The following GARS1 variants were observed in gnomAD, a reference collection of about 807,000 sequenced individuals.
GARS1 encodes the protein glycine--tRNA ligase.
In GARS1, 46 loss-of-function variants were observed where a neutral mutation model predicts 86.4. That is an observed-to-expected ratio of 0.53 (90% CI 0.42 to 0.68). The LOEUF (loss-of-function observed/expected upper bound fraction) is 0.68. Ranked by LOEUF, GARS1 falls within the 30% of genes least tolerant of loss-of-function variation. The pLI is 0.00. For missense variants in GARS1, 797 were observed against 915.6 expected (o/e 0.87, Z 1.67); for synonymous variants, 342 against 329.8 (o/e 1.04, Z -0.40).
At chr7:30,596,126 AC>A (rs1159212604) in intron 1 of GARS1, among the ~76,000 whole-genome samples, 2 of 152,168 alleles carry the variant, frequency 1.3e-5, no homozygotes, top group Admixed American at 1.3e-4. Flanking sequence ...TAAACACCAA[AC>A]GGGTTTCTCC....
rs57305857 is a variant in GARS1, at chr7:30,621,613, G to A, written c.1467+113G>A. The stretch of plus-strand genomic sequence containing the variant: ...GATAAATGGAGATGTTTTAGACACT[G>A]TAGTAACGCTTGTTTAAACCTATTA... On this transcript the variant is annotated intron_variant, in intron 11 of 16. Coordinates refer to ENST00000389266, the MANE Select transcript of GARS1 (RefSeq NM_002047.4). The A allele has an allele frequency of 1.5e-3, 1,211 of 822,758 alleles. 9 individuals carry two copies. The African/African-American group carries it at 0.018, about 13-fold the overall frequency. The allele number at this position is 822,758 out of a possible 1,614,324, so 51.0% of individuals were successfully genotyped here.
intron 6 of GARS1, 32 bp downstream of exon 6, chr7:30,603,604 C>T (rs779077339): frequency 2.0e-6 from 3 of 1,494,682 alleles, no homozygotes; most frequent in Non-Finnish European, 2.8e-6. Flanking sequence ...TCAGAGTAAC[C>T]TAGGTGGTCG....
chr7:30,598,014 C>T (rs945137289), intron 1 of GARS1, among the ~76,000 whole-genome samples: 5 of 151,958 alleles, frequency 3.3e-5, no homozygotes, highest in African/African-American at 9.7e-5. Context: ...GAAAAAATTC[C>T]AACTGTAAAG....
rs544867766 is a variant in GARS1 at position 30,597,122 on chromosome 7, C to G, written c.223-1674C>G. On this transcript the variant is annotated intron_variant, in intron 1 of 16. Coordinates refer to ENST00000389266, the MANE Select transcript of GARS1 (RefSeq NM_002047.4). ...TCTTTTGCTGTGAGCTTGGCAGCTT[C>G]ACAGTCCTTAAAGATATCTGTGATG... Among the ~76,000 whole-genome samples, 6 of 152,316 alleles carry G rather than the reference C, an allele frequency of 3.9e-5. No homozygotes were observed. The East Asian group carries it at 1.2e-3, about 29-fold the overall frequency.
At chr7:30,629,523 A>C (rs1429115784) in intron 14 of GARS1, among the ~76,000 whole-genome samples, 1 of 152,004 alleles carries the variant, frequency 6.6e-6, no homozygotes. Flanking sequence ...GGTTAATTGA[A>C]AGAAACAGCG....
At chr7:30,595,701 T>G in intron 1 of GARS1, 2 of 467,490 alleles carry the variant, frequency 4.3e-6, no homozygotes, top group South Asian at 3.1e-5. Context: ...GTGCTTAGTT[T>G]AGCGGAATGA....
chr7:30,631,809 A>G (rs1291707889), intron 15 of GARS1, among the ~76,000 whole-genome samples: 1 of 152,224 alleles, frequency 6.6e-6, no homozygotes, highest in Non-Finnish European at 1.5e-5. Flanking sequence ...CCTTGGTGCC[A>G]AGTTCATCGA....
Position 30,626,260 on chromosome 7 carries a change from A to G in GARS1, c.1640A>G (p.Lys547Arg). ...GAATTCACAATTGAAACTGAAGGGAAAACATTTCAGTTAACAAAAGACATG... is the reference window on the plus strand; with the variant it reads ...GAATTCACAATTGAAACTGAAGGGAGAACATTTCAGTTAACAAAAGACATG... ...KGEFTIETEG[K>R]TFQLTKDMIN... The change falls in exon 13 of 17, where the codon AAA (lysine) becomes AGA (arginine). Residue 547 changes from lysine to arginine, a missense_variant. This residue lies in a region of GARS1 where 598 missense variants were observed against 738.7 expected (regional missense o/e 0.81). Coordinates refer to ENST00000389266, the MANE Select transcript of GARS1 (RefSeq NM_002047.4). The G allele has an allele frequency of 6.2e-7, 1 of 1,608,488 alleles. No homozygotes were observed. The highest frequency in any genetic ancestry group is 8.5e-7 in the Non-Finnish European group (1 of 1,174,956).
chr7:30,599,149 A>T (rs932201135), intron 2 of GARS1, among the ~76,000 whole-genome samples: 26 of 152,186 alleles, frequency 1.7e-4, no homozygotes, highest in African/African-American at 6.3e-4. Flanking sequence ...CGCTATATGA[A>T]TTTCCATGGA....
intron 1 of GARS1, among the ~76,000 whole-genome samples, chr7:30,598,377 C>CTTTTTTTTTTTTTTTTTTT (rs1174085518): frequency 1.0e-5 from 1 of 99,614 alleles, no homozygotes; most frequent in Non-Finnish European, 2.0e-5. Context: ...TTGCATCATT[C>CTTTTTTTTTTTTTTTTTTT]TTTTTTTTTT....
At chr7:30,600,775 CTG>C (rs928545190) in intron 3 of GARS1, among the ~76,000 whole-genome samples, 1 of 152,182 alleles carries the variant, frequency 6.6e-6, no homozygotes, top group African/African-American at 2.4e-5. Flanking sequence ...CGGCAGAAAA[CTG>C]TAATCTGCTT....
chr7:30,607,054 T>A (rs1022386309), intron 6 of GARS1, among the ~76,000 whole-genome samples: 5 of 152,218 alleles, frequency 3.3e-5, no homozygotes, highest in African/African-American at 4.8e-5. Flanking sequence ...GCAATATGAA[T>A]GTTGAAAACA....
chr7:30,622,565 G>A (rs1233983736), intron 12 of GARS1, 103 bp downstream of exon 12: 4 of 1,360,870 alleles, frequency 2.9e-6, no homozygotes, highest in East Asian at 2.3e-5. Flanking sequence ...TTGCAGGTAA[G>A]TACTGTATCT....
At chr7:30,608,740 C>G (rs1584031429) in intron 6 of GARS1, among the ~76,000 whole-genome samples, 1 of 152,116 alleles carries the variant, frequency 6.6e-6, no homozygotes, top group East Asian at 1.9e-4. Flanking sequence ...TCATCATATT[C>G]CTGCATAGCA....
chr7:30,626,388 G>T (rs191001693), intron 13 of GARS1, 69 bp downstream of exon 13: 427 of 954,322 alleles, frequency 4.5e-4, no homozygotes, highest in Admixed American at 9.8e-4. Context: ...TTGAGACAGG[G>T]TCTTGCTCTG....
chr7:30,594,911 G>T lies in GARS1; in HGVS notation c.-11G>T. ...CGCCACCCTCTCTGGACAGCCCAGG[G>T]CCGCAGGCTCATGCCCTCTCCGCGT... On this transcript the variant is annotated 5_prime_UTR_variant, in exon 1 of 17. Transcript: ENST00000389266. 1 of 1,558,142 alleles carries T rather than the reference G, an allele frequency of 6.4e-7. No homozygotes were observed.
At chr7:30,623,832 A>G (rs1460339162) in intron 12 of GARS1, among the ~76,000 whole-genome samples, 2 of 152,214 alleles carry the variant, frequency 1.3e-5, no homozygotes, top group Non-Finnish European at 2.9e-5. Context: ...CTAGTGGGGA[A>G]AAAGACTCAT....
intron 6 of GARS1, among the ~76,000 whole-genome samples, chr7:30,607,952 T>G (rs1584030836): frequency 6.6e-6 from 1 of 152,330 alleles, no homozygotes; most frequent in Non-Finnish European, 1.5e-5. Context: ...CACACTTTTC[T>G]CCATTGTGGT....
intron 13 of GARS1, chr7:30,627,059 C>A: frequency 2.2e-6 from 1 of 464,530 alleles, no homozygotes; most frequent in South Asian, 1.6e-5. Flanking sequence ...TTTTGTAGAA[C>A]AAATTCTGTG....
Sources: allele counts gnomAD v4.1 joint callset (sites outside exome capture counted in the v4.1 genomes callset), GRCh38; gene constraint gnomAD v4.1.1; regional missense constraint gnomAD v4.1.1; transcripts MANE v1.5; gene names NCBI Gene and HGNC (gene_info 2026-07-23, HGNC 2026-07-21).